The following CADPS variants were observed in gnomAD, a reference collection of about 807,000 sequenced individuals.
CADPS encodes calcium-dependent secretion activator 1.
In CADPS, 57 loss-of-function variants were observed where a neutral mutation model predicts 167.3. The ratio of observed to expected loss-of-function variants is 0.34; its 90% CI spans 0.28 to 0.42. The LOEUF is 0.42. Among genes scored for constraint, CADPS ranks in the 20% least tolerant of loss-of-function variants. CADPS has a pLI of 1.00. For missense variants in CADPS, 1,414 were observed against 1,738.1 expected (o/e 0.81, Z 3.32); for synonymous variants, 676 against 635.3 (o/e 1.06, Z -0.96).
In CADPS at chr3:62,412,607, T is replaced by C. The variant is rs1264919777; in HGVS notation, c.3778-9422A>G. 2.6e-5 allele frequency among the ~76,000 whole-genome samples: 4 copies of C among 152,080 alleles called. No individual in the cohort carries two copies. The highest frequency in any genetic ancestry group is 5.9e-5 in the Non-Finnish European group (4 of 68,016). ...ATGACCAAATTCCAACTCTGTAAAA[T>C]GTGTAATAAGTAATTCTTTAGCATC... On this transcript the variant is annotated intron_variant, in intron 28 of 29. Transcript: ENST00000383710. The surrounding 1 kb of genome is among the most constrained non-coding windows in gnomAD (Gnocchi z 4.1).
At chr3:62,744,094 T>C (rs1254974514) in intron 3 of CADPS, among the ~76,000 whole-genome samples, 2 of 152,146 alleles carry the variant, frequency 1.3e-5, no homozygotes, top group African/African-American at 4.8e-5. Flanking sequence ...CAACCCCCCT[T>C]TTAGCTTCTT....
intron 6 of CADPS, among the ~76,000 whole-genome samples, chr3:62,640,773 C>T (rs1422806882): frequency 6.6e-6 from 1 of 152,110 alleles, no homozygotes; most frequent in East Asian, 1.9e-4. Context: ...TACTGGGTTG[C>T]TAATTCAAAT....
At chr3:62,865,125 A>G (rs2081447991) in intron 1 of CADPS, among the ~76,000 whole-genome samples, 1 of 152,192 alleles carries the variant, frequency 6.6e-6, no homozygotes, top group South Asian at 2.1e-4. Context: ...GCCAATGTAG[A>G]TGTTCAGGAT....
intron 1 of CADPS, among the ~76,000 whole-genome samples, chr3:62,795,615 T>C (rs1263836529): frequency 6.7e-6 from 1 of 149,070 alleles, no homozygotes; most frequent in Non-Finnish European, 1.5e-5. Context: ...ATTCATTCAC[T>C]CAATAAATAT....
At chr3:62,401,447 C>A (rs1018130073) in intron 29 of CADPS, among the ~76,000 whole-genome samples, 1 of 152,134 alleles carries the variant, frequency 6.6e-6, no homozygotes, top group Non-Finnish European at 1.5e-5. Context: ...TAGAGGCCCA[C>A]CTAATATTTA....
chr3:62,732,423 C>T (rs2078085846), intron 3 of CADPS, among the ~76,000 whole-genome samples: 1 of 152,114 alleles, frequency 6.6e-6, no homozygotes, highest in South Asian at 2.1e-4. Flanking sequence ...AGATCCAGCC[C>T]TAGTTGGGAG....
intron 6 of CADPS, chr3:62,625,174 A>C (rs555102154): frequency 6.7e-6 from 1 of 150,374 alleles, no homozygotes; most frequent in East Asian, 1.9e-4. Flanking sequence ...ATTTTAAATA[A>C]AAGTTAATAA....
chr3:62,614,864 C>T (rs1441453460), intron 6 of CADPS, among the ~76,000 whole-genome samples: 1 of 152,142 alleles, frequency 6.6e-6, no homozygotes, highest in African/African-American at 2.4e-5. Context: ...GTACCCTCAC[C>T]CTTCTCAGCC....
At chr3:62,507,001 C>A (rs914043170) in intron 17 of CADPS, among the ~76,000 whole-genome samples, 1 of 152,190 alleles carries the variant, frequency 6.6e-6, no homozygotes, top group Non-Finnish European at 1.5e-5. Context: ...GAGACCAACT[C>A]CTTCATGGAT....
chr3:62,520,998 G>GT (rs1161279719), intron 13 of CADPS, among the ~76,000 whole-genome samples: 2 of 152,184 alleles, frequency 1.3e-5, no homozygotes, highest in Non-Finnish European at 2.9e-5. Flanking sequence ...GGAGAGTACT[G>GT]TTTTTTCCAC....
At position 62,875,156 on chromosome 3, in the gene CADPS, G is replaced by A. The variant is rs528912177; in HGVS notation, c.-127C>T. The A allele has an allele frequency of 1.6e-5, 20 of 1,221,440 alleles. No individual in the cohort carries two copies. The highest frequency in any genetic ancestry group is 2.1e-5 in the Non-Finnish European group (20 of 958,508). The allele number at this position is 1,221,440 out of a possible 1,614,324, so 75.7% of individuals were successfully genotyped here. On this transcript the variant is annotated 5_prime_UTR_variant, in exon 1 of 30. Transcript: ENST00000383710. Reference sequence around the variant, plus strand: ...TCTCCCCAGGTCAGGGAGCGAGAGCGCTGCTGCTCAGCCTCGGCCGCCGCG... The same window carrying A: ...TCTCCCCAGGTCAGGGAGCGAGAGCACTGCTGCTCAGCCTCGGCCGCCGCG...
chr3:62,677,770 C>A (rs2076551959), intron 3 of CADPS, among the ~76,000 whole-genome samples: 1 of 152,010 alleles, frequency 6.6e-6, no homozygotes, highest in African/African-American at 2.4e-5. Context: ...TAAACCCTTC[C>A]CAGTATTACC....
chr3:62,683,921 G>A (rs990863419), intron 3 of CADPS, among the ~76,000 whole-genome samples: 2 of 151,968 alleles, frequency 1.3e-5, no homozygotes, highest in Admixed American at 6.6e-5. Context: ...TCATATCAAA[G>A]GTATATGCTG....
intron 6 of CADPS, among the ~76,000 whole-genome samples, chr3:62,624,091 C>T (rs893710563): frequency 4.6e-5 from 7 of 152,170 alleles, no homozygotes; most frequent in African/African-American, 1.7e-4. Flanking sequence ...AGCCTCAATA[C>T]AACGTCCAGG....
chr3:62,443,486 C>T (rs2056701066), intron 27 of CADPS, among the ~76,000 whole-genome samples: 1 of 152,006 alleles, frequency 6.6e-6, no homozygotes. Flanking sequence ...GTGTCCCCAC[C>T]CAAATCTCAT....
intron 17 of CADPS, among the ~76,000 whole-genome samples, chr3:62,503,072 C>G (rs547094643): frequency 6.6e-6 from 1 of 151,988 alleles, no homozygotes; most frequent in African/African-American, 2.4e-5. Flanking sequence ...CCACCACCAC[C>G]GAGACACTCA....
At chr3:62,798,070 T>C (rs1307949747) in intron 1 of CADPS, among the ~76,000 whole-genome samples, 1 of 152,150 alleles carries the variant, frequency 6.6e-6, no homozygotes, top group Non-Finnish European at 1.5e-5. Context: ...ACAGACAATA[T>C]ACAAGTAAGC....
At chr3:62,835,447 C>T (rs2075760384) in intron 1 of CADPS, among the ~76,000 whole-genome samples, 1 of 152,190 alleles carries the variant, frequency 6.6e-6, no homozygotes, top group African/African-American at 2.4e-5. Context: ...CAAAATGATA[C>T]TCAAACACAT....
chr3:62,520,671 G>A (rs923385185), intron 13 of CADPS, among the ~76,000 whole-genome samples: 6 of 152,258 alleles, frequency 3.9e-5, no homozygotes, highest in South Asian at 4.1e-4. Context: ...ATTTGATGTC[G>A]AATGATTTTG....
Sources: allele counts gnomAD v4.1 joint callset (sites outside exome capture counted in the v4.1 genomes callset), GRCh38; gene constraint gnomAD v4.1.1; non-coding constraint Gnocchi (gnomAD v3.1); transcripts MANE v1.5; gene names NCBI Gene and HGNC (gene_info 2026-07-23, HGNC 2026-07-21).